FSTL4: variants seen among roughly 807,000 people sequenced by gnomAD.
FSTL4 encodes follistatin like 4.
A neutral mutation model predicts 78.2 loss-of-function variants in FSTL4; 28 were observed. That is an observed-to-expected ratio of 0.36 (90% confidence interval 0.27 to 0.49). The LOEUF (loss-of-function observed/expected upper bound fraction) is 0.49. Ranked by LOEUF, FSTL4 falls within the 20% of genes least tolerant of loss-of-function variation. The pLI is 0.98. For missense variants in FSTL4, 922 were observed against 1,084.9 expected (o/e 0.85, Z 2.11); for synonymous variants, 422 against 440.5 (o/e 0.96, Z 0.53).
the FSTL4 span, among the ~76,000 whole-genome samples, chr5:133,675,498 T>C: frequency 1.3e-5 from 2 of 152,224 alleles, no homozygotes; most frequent in African/African-American, 4.8e-5. Context: ...CTCACCACTC[T>C]GCCCCAACAC....
chr5:133,261,534 T>C (rs534291671), intron 6 of FSTL4, among the ~76,000 whole-genome samples: 1 of 152,230 alleles, frequency 6.6e-6, no homozygotes, highest in Admixed American at 6.5e-5. Flanking sequence ...GACACAACAA[T>C]GGACCAGCAT....
the FSTL4 span, among the ~76,000 whole-genome samples, chr5:133,811,739 C>T: frequency 6.6e-6 from 1 of 152,238 alleles, no homozygotes; most frequent in South Asian, 2.1e-4. Flanking sequence ...GTTTCCAGAA[C>T]TCTGCCATTC....
chr5:133,517,195 G>A (rs530809462), intron 3 of FSTL4, among the ~76,000 whole-genome samples: 1 of 151,544 alleles, frequency 6.6e-6, no homozygotes, highest in Non-Finnish European at 1.5e-5. Flanking sequence ...GGCCAAGGTG[G>A]GTGGATCACC....
At chr5:133,828,568 T>C in the FSTL4 span, among the ~76,000 whole-genome samples, 2 of 152,196 alleles carry the variant, frequency 1.3e-5, no homozygotes, top group African/African-American at 4.8e-5. Flanking sequence ...TAACAGACTG[T>C]GCCTAATTAA....
At chr5:133,724,325 T>G in the FSTL4 span, among the ~76,000 whole-genome samples, 1 of 152,188 alleles carries the variant, frequency 6.6e-6, no homozygotes, top group East Asian at 1.9e-4. Context: ...TGATCCTAAC[T>G]GAGGAGATTG....
At chr5:133,260,331 GT>G (rs1561647510) in intron 6 of FSTL4, among the ~76,000 whole-genome samples, 1 of 152,114 alleles carries the variant, frequency 6.6e-6, no homozygotes, top group Non-Finnish European at 1.5e-5. Context: ...AATATAACTT[GT>G]TTTCTGTTTA....
intron 5 of FSTL4, 36 bp from the exon 6 acceptor site, chr5:133,312,813 A>G (rs1385437739): frequency 6.2e-7 from 1 of 1,611,888 alleles, no homozygotes; most frequent in African/African-American, 1.3e-5. Context: ...CCAGAATCAG[A>G]TGAGTTTAGA....
At chr5:133,489,530 G>A (rs916010003) in intron 3 of FSTL4, among the ~76,000 whole-genome samples, 75 of 152,178 alleles carry the variant, frequency 4.9e-4, no homozygotes, top group African/African-American at 1.7e-3. Context: ...AGCAGATATC[G>A]CCTGTAACAT....
intron 4 of FSTL4, among the ~76,000 whole-genome samples, chr5:133,320,268 C>G (rs1754014464): frequency 6.6e-6 from 1 of 152,120 alleles, no homozygotes; most frequent in South Asian, 2.1e-4. Context: ...ATTTTCCTAG[C>G]AAGGTGTGTC....
the FSTL4 span, among the ~76,000 whole-genome samples, chr5:133,626,935 T>G: frequency 6.6e-6 from 1 of 152,118 alleles, no homozygotes; most frequent in Non-Finnish European, 1.5e-5. Context: ...TTCTTTACCT[T>G]TGCTGATTTT....
the FSTL4 span, among the ~76,000 whole-genome samples, chr5:133,831,132 G>A: frequency 1.3e-5 from 2 of 152,232 alleles, no homozygotes; most frequent in East Asian, 3.9e-4. Flanking sequence ...ATGAGCCAAG[G>A]CTGTCCACCA....
intron 4 of FSTL4, among the ~76,000 whole-genome samples, chr5:133,368,952 A>T (rs971077956): frequency 1.3e-5 from 2 of 152,222 alleles, no homozygotes; most frequent in Non-Finnish European, 2.9e-5. Context: ...CTTTTTCTGC[A>T]TAAAGGGGAT....
chr5:133,803,360 G>A, the FSTL4 span, among the ~76,000 whole-genome samples: 62 of 152,250 alleles, frequency 4.1e-4, no homozygotes, highest in African/African-American at 1.4e-3. Context: ...GTAAGAGCTG[G>A]CCAGGCAACA....
chr5:133,378,194 A>G (rs1311197068), intron 4 of FSTL4, among the ~76,000 whole-genome samples: 1 of 152,198 alleles, frequency 6.6e-6, no homozygotes, highest in African/African-American at 2.4e-5. Context: ...TCTACACCAA[A>G]AAAAAAGAGC....
At chr5:133,756,368 C>A in the FSTL4 span, among the ~76,000 whole-genome samples, 1 of 149,438 alleles carries the variant, frequency 6.7e-6, no homozygotes. Context: ...AGGACTGTGG[C>A]TTTTACTCTG....
At chr5:133,347,290 T>A (rs1043924026) in intron 4 of FSTL4, among the ~76,000 whole-genome samples, 18 of 152,194 alleles carry the variant, frequency 1.2e-4, no homozygotes, top group Admixed American at 5.9e-4. Context: ...CAGGCTCAGT[T>A]TAGTATGCTC....
At chr5:133,838,718 A>G in the FSTL4 span, among the ~76,000 whole-genome samples, 22 of 151,742 alleles carry the variant, frequency 1.4e-4, no homozygotes, top group Admixed American at 1.4e-3. Context: ...CATGTATCCC[A>G]GGGGAGAAAA....
At chr5:133,598,152 G>A (rs1210402831) in intron 2 of FSTL4, among the ~76,000 whole-genome samples, 1 of 152,038 alleles carries the variant, frequency 6.6e-6, no homozygotes, top group Non-Finnish European at 1.5e-5. Context: ...TTCCCTGACT[G>A]CAGTCAGCAT....
chr5:133,627,967 A>G, the FSTL4 span, among the ~76,000 whole-genome samples: 2 of 152,078 alleles, frequency 1.3e-5, no homozygotes, highest in Non-Finnish European at 2.9e-5. Context: ...GAATTACATT[A>G]TATAAAACTC....
Sources: allele counts gnomAD v4.1 joint callset (sites outside exome capture counted in the v4.1 genomes callset), GRCh38; gene constraint gnomAD v4.1.1; transcripts MANE v1.5; gene names NCBI Gene and HGNC (gene_info 2026-07-23, HGNC 2026-07-21).